COL22A1: variants seen among roughly 807,000 people sequenced by gnomAD.
The protein encoded by COL22A1 is collagen type XXII alpha 1 chain.
In COL22A1, 221 loss-of-function variants were observed where a neutral mutation model predicts 248.9. The ratio of observed to expected loss-of-function variants is 0.89; its 90% CI spans 0.80 to 0.99. The LOEUF (loss-of-function observed/expected upper bound fraction) is 0.99. Ranked by LOEUF, COL22A1 falls within the 50% of genes least tolerant of loss-of-function variation. The probability of loss-of-function intolerance (pLI) is 0.00; values close to 1 mark genes in which losing one functional copy is unlikely to be tolerated. For synonymous variants in COL22A1, 891 were observed against 793.4 expected (o/e 1.12, Z -2.07); for missense variants, 2,240 against 2,179.0 (o/e 1.03, Z -0.56).
At chr8:138,674,988 A>G (rs1426377943) in intron 41 of COL22A1, among the ~76,000 whole-genome samples, 1 of 152,216 alleles carries the variant, frequency 6.6e-6, no homozygotes, top group Non-Finnish European at 1.5e-5. Context: ...TGAAGTGGGC[A>G]GTTTTACCTG....
chr8:138,692,390 C>A (rs62527924), intron 35 of COL22A1, among the ~76,000 whole-genome samples: 6 of 121,892 alleles, frequency 4.9e-5, no homozygotes, highest in African/African-American at 1.9e-4. Context: ...GTATTGTGCA[C>A]GTATGTACAT....
At chr8:138,781,275 G>A (rs991784295) in intron 12 of COL22A1, among the ~76,000 whole-genome samples, 2 of 152,192 alleles carry the variant, frequency 1.3e-5, no homozygotes, top group African/African-American at 4.8e-5. Flanking sequence ...TCACTAGCTG[G>A]AGGTGCGGCC....
intron 16 of COL22A1, among the ~76,000 whole-genome samples, chr8:138,775,220 G>C (rs979841408): frequency 2.0e-5 from 3 of 152,190 alleles, no homozygotes; most frequent in African/African-American, 4.8e-5. Context: ...AATGAATGGG[G>C]CTGGGAAGAG....
At chr8:138,806,086 AATGGTGTGTG>A (rs1176639931) in intron 10 of COL22A1, among the ~76,000 whole-genome samples, 1 of 4,958 alleles carries the variant, frequency 2.0e-4, no homozygotes, top group African/African-American at 1.5e-3. Flanking sequence ...TGGTGTGTGT[AATGGTGTGTG>A]ATGGTGTGTT....
intron 44 of COL22A1, 30 bp downstream of exon 44, chr8:138,660,406 A>T: frequency 6.3e-7 from 1 of 1,596,374 alleles, no homozygotes; most frequent in Non-Finnish European, 8.6e-7. Context: ...CTGATAGTCA[A>T]TATTCATCCA....
chr8:138,904,036 G>C (rs1814813681), intron 1 of COL22A1, among the ~76,000 whole-genome samples: 1 of 152,124 alleles, frequency 6.6e-6, no homozygotes. Flanking sequence ...TGTTGCACGA[G>C]AGAAATATTT....
chr8:138,692,374 A>G (rs1587879121), intron 35 of COL22A1, among the ~76,000 whole-genome samples: 1 of 129,152 alleles, frequency 7.7e-6, no homozygotes, highest in South Asian at 2.5e-4. Context: ...ATGTTTGTGG[A>G]CATGTGTATT....
intron 63 of COL22A1, 26 bp downstream of exon 63, chr8:138,593,991 C>A: frequency 6.7e-7 from 1 of 1,500,804 alleles, no homozygotes; most frequent in South Asian, 1.3e-5. Flanking sequence ...GTACACGGAG[C>A]ATATCTCCTC....
At chr8:138,674,787 A>G (rs1825373354) in intron 41 of COL22A1, among the ~76,000 whole-genome samples, 1 of 152,098 alleles carries the variant, frequency 6.6e-6, no homozygotes, top group Non-Finnish European at 1.5e-5. Context: ...CCCTTTCTCT[A>G]TGCTAAGGAG....
Position 138,821,336 on chromosome 8 carries a change from C to A in COL22A1, c.1045G>T (p.Val349Leu). 6.2e-7 allele frequency: 1 copy of A among 1,614,192 alleles called. No individual in the cohort carries two copies. Among genetic ancestry groups the A allele is most frequent in the Non-Finnish European group, 8.5e-7 (1 of 1,180,040 alleles). The change falls in exon 7 of 65, where the codon GTG becomes TTG. Residue 349 changes from valine to leucine, a missense_variant. By Grantham distance (32) the Val-to-Leu change is conservative. Coordinates refer to ENST00000303045, the MANE Select transcript of COL22A1 (RefSeq NM_152888.3). ...TTGACCCGAGAACCTCGGAAGACCA[C>A]CCTGACAGCATCTTTCATGGCACCC... ...AVGAMKDAVRVVFRGSRVNDL... is the reference protein window; with the variant it reads ...AVGAMKDAVRLVFRGSRVNDL...
At chr8:138,798,398 T>C (rs539114156) in intron 11 of COL22A1, among the ~76,000 whole-genome samples, 50 of 152,116 alleles carry the variant, frequency 3.3e-4, no homozygotes, top group African/African-American at 1.2e-3. Flanking sequence ...TAGTGTAACA[T>C]TTACACTACT....
intron 60 of COL22A1, among the ~76,000 whole-genome samples, chr8:138,599,175 T>C (rs895739621): frequency 5.9e-5 from 9 of 152,194 alleles, no homozygotes; most frequent in African/African-American, 2.2e-4. Context: ...ACCCTGTCTC[T>C]ACTAAAAATA....
chr8:138,859,449 T>C (rs11166849), intron 3 of COL22A1, among the ~76,000 whole-genome samples: 121,427 of 152,148 alleles, frequency 0.8, 49,526 homozygotes, highest in East Asian at 0.97. Context: ...CTGGTGGAGG[T>C]GGGCTCCTGG....
chr8:138,649,355 T>C (rs944289579), intron 46 of COL22A1, among the ~76,000 whole-genome samples: 2 of 152,198 alleles, frequency 1.3e-5, no homozygotes, highest in Non-Finnish European at 2.9e-5. Flanking sequence ...CAAAAGTTGT[T>C]GGATGACAAA....
chr8:138,883,350 C>G lies in COL22A1; in HGVS notation c.-72-106G>C, dbSNP rs1471789334. 7 of 628,674 alleles carry G rather than the reference C, an allele frequency of 1.1e-5. No homozygotes were observed. In the East Asian group the frequency reaches 2.0e-4, roughly 18 times the overall value. 38.9% of individuals were successfully genotyped at this position (628,674 alleles called of 1,614,324 possible). A position where few individuals can be genotyped will look rare whatever the true frequency, so the allele number is the denominator to read the frequency against. ...GATTCCCTACACCCAGCCTTCCAAC[C>G]CATCTTCCCTCCCGGATTCAACTCC... On this transcript the variant is annotated intron_variant, in intron 1 of 64. Transcript: ENST00000303045.
At chr8:138,653,739 C>T (rs990437034) in intron 45 of COL22A1, among the ~76,000 whole-genome samples, 2 of 152,118 alleles carry the variant, frequency 1.3e-5, no homozygotes, top group Non-Finnish European at 2.9e-5. Context: ...TTCTGTAATA[C>T]AAGATGTCTC....
chr8:138,892,636 T>C (rs1483484189), intron 1 of COL22A1, among the ~76,000 whole-genome samples: 1 of 152,144 alleles, frequency 6.6e-6, no homozygotes, highest in African/African-American at 2.4e-5. Context: ...CTGCCATTAG[T>C]CTCCCAAAAG....
chr8:138,665,429 A>AC (rs940519928), intron 41 of COL22A1, among the ~76,000 whole-genome samples: 3 of 152,334 alleles, frequency 2.0e-5, no homozygotes, highest in African/African-American at 7.2e-5. Context: ...AAGGAAGCTC[A>AC]CCCATCTTTG....
intron 10 of COL22A1, among the ~76,000 whole-genome samples, chr8:138,805,501 G>GTT (rs1817474334): frequency 6.8e-6 from 1 of 146,602 alleles, no homozygotes; most frequent in Non-Finnish European, 1.5e-5. Flanking sequence ...TGGTGTGTGT[G>GTT]TGTGATGGTG....
Sources: gnomAD v4.1 joint callset for allele counts (sites outside exome capture counted in the v4.1 genomes callset) on GRCh38, gnomAD v4.1.1 for gene constraint, MANE v1.5 for transcripts, NCBI Gene and HGNC (gene_info 2026-07-23, HGNC 2026-07-21) for gene names.